AK9: variants seen among roughly 807,000 people sequenced by gnomAD.
The protein encoded by AK9 is adenylate kinase domain containing 1.
Under a neutral mutation model 239.6 loss-of-function variants are expected in AK9, and 191 were observed. That is an observed-to-expected ratio of 0.80 (90% CI 0.71 to 0.90). AK9 has a LOEUF of 0.90. AK9 is among the 40% of genes least tolerant of loss of function. The probability of loss-of-function intolerance (pLI) is 0.00; values close to 1 mark genes in which losing one functional copy is unlikely to be tolerated. For synonymous variants in AK9, 689 were observed against 721.0 expected, an observed-to-expected ratio of 0.96 and a Z score of 0.71; for missense variants, 1,995 against 2,214.7, an observed-to-expected ratio of 0.90 and a Z score of 1.99.
chr6:109,617,869 A>C (rs559654634), intron 13 of AK9, among the ~76,000 whole-genome samples: 1 of 152,134 alleles, frequency 6.6e-6, no homozygotes, highest in Non-Finnish European at 1.5e-5. Context: ...AGAAGAGCAC[A>C]TTTATTTGAA....
At chr6:109,640,222 G>A (rs544514093) in intron 10 of AK9, among the ~76,000 whole-genome samples, 3 of 152,304 alleles carry the variant, frequency 2.0e-5, no homozygotes, top group East Asian at 3.9e-4. Context: ...CTCCATGGGC[G>A]TGGGACCTGC....
chr6:109,670,538 T>C lies in AK9; in HGVS notation c.331+1381A>G, dbSNP rs567528449. ...TACTTTTGTTTGAACTATTTCCTAA[T>C]AACAACTGTAAAACATTATGAACAC... On this transcript the variant is annotated intron_variant, in intron 5 of 40. Coordinates refer to ENST00000424296, the MANE Select transcript of AK9 (RefSeq NM_001145128.3). Among the ~76,000 whole-genome samples, 4 of 152,296 alleles carry C rather than the reference T, an allele frequency of 2.6e-5. No homozygotes were observed. The South Asian group carries it at 8.3e-4, about 32-fold the overall frequency.
At chr6:109,639,466 G>T (rs1379600881) in intron 10 of AK9, among the ~76,000 whole-genome samples, 1 of 152,206 alleles carries the variant, frequency 6.6e-6, no homozygotes, top group East Asian at 1.9e-4. Context: ...AGAAGTGTCA[G>T]TTCATATCCT....
intron 1 of AK9, among the ~76,000 whole-genome samples, chr6:109,678,208 T>C (rs1157198982): frequency 2.0e-5 from 3 of 152,202 alleles, no homozygotes; most frequent in Non-Finnish European, 2.9e-5. Flanking sequence ...GGTACATCCA[T>C]ACCATGGAAT....
At chr6:109,672,074 T>C in intron 4 of AK9, 41 bp downstream of exon 4, 2 of 1,612,464 alleles carry the variant, frequency 1.2e-6, no homozygotes, top group South Asian at 2.2e-5. Flanking sequence ...TACAGAGCTT[T>C]TTTTGTAATC....
In AK9 at chr6:109,585,206, C is replaced by A; in HGVS notation, c.2031G>T (p.Gln677His). The A allele has an allele frequency of 1.0e-6, 1 of 964,824 alleles. No individual in the cohort carries two copies. The highest frequency in any genetic ancestry group is 3.8e-5 in the Admixed American group (1 of 26,304). The allele number at this position is 964,824 out of a possible 1,614,324, so 59.8% of individuals were successfully genotyped here. A position where few individuals can be genotyped will look rare whatever the true frequency, so the allele number is the denominator to read the frequency against. ...TCTTAGAGTCAATTTCAGATTTCTT[C>A]TGTAAATATATTCTATTAAATAAAC... The part of the protein sequence containing the change: ...GKCLFNRIYL[Q>H]KKSEIDSKIL... Residue 677 changes from glutamine to histidine, a missense_variant, in exon 19 of 41, where the codon CAG (glutamine) becomes CAT (histidine). Physicochemically the swap from Gln to His is conservative, Grantham distance 24. Coordinates refer to ENST00000424296, the MANE Select transcript of AK9 (RefSeq NM_001145128.3).
chr6:109,568,407 T>C (rs976204407), intron 21 of AK9, among the ~76,000 whole-genome samples: 49 of 152,108 alleles, frequency 3.2e-4, no homozygotes, highest in Admixed American at 1.3e-3. Context: ...CTATTCAACA[T>C]AGTGTTGGAA....
At chr6:109,533,520 G>A in intron 27 of AK9, 50 bp from the exon 28 acceptor site, 1 of 1,406,384 alleles carries the variant, frequency 7.1e-7, no homozygotes, top group East Asian at 2.3e-5. Flanking sequence ...TGTTGTAATG[G>A]ATGTGTTCAT....
intron 27 of AK9, among the ~76,000 whole-genome samples, chr6:109,540,305 G>A (rs765659251): frequency 6.6e-6 from 1 of 152,182 alleles, no homozygotes; most frequent in Non-Finnish European, 1.5e-5. Context: ...AGCAATGGTG[G>A]GTGCCCCTCC....
At chr6:109,580,917 T>A (rs1330224808) in intron 19 of AK9, among the ~76,000 whole-genome samples, 2 of 143,784 alleles carry the variant, frequency 1.4e-5, no homozygotes, top group East Asian at 4.3e-4. Context: ...TTTTTTTGTG[T>A]TTTTTTGTTT....
At chr6:109,645,427 AC>A (rs1472255660) in intron 8 of AK9, among the ~76,000 whole-genome samples, 6 of 152,156 alleles carry the variant, frequency 3.9e-5, no homozygotes, top group African/African-American at 1.4e-4. Context: ...GGCTCAGAGC[AC>A]CCCATGCCCA....
chr6:109,569,246 G>A (rs1016326843), intron 21 of AK9, among the ~76,000 whole-genome samples: 2 of 152,126 alleles, frequency 1.3e-5, no homozygotes, highest in Non-Finnish European at 2.9e-5. Context: ...GCTAAAACTG[G>A]ATCCCTTCCT....
At chr6:109,599,639 G>A (rs1367897609) in intron 17 of AK9, among the ~76,000 whole-genome samples, 1 of 152,074 alleles carries the variant, frequency 6.6e-6, no homozygotes, top group African/African-American at 2.4e-5. Flanking sequence ...GATGGGGATG[G>A]CATTGAATCT....
intron 20 of AK9, among the ~76,000 whole-genome samples, chr6:109,574,990 A>G (rs1326993259): frequency 6.6e-6 from 1 of 152,200 alleles, no homozygotes; most frequent in African/African-American, 2.4e-5. Context: ...TACCTCACTT[A>G]GAATAATGGT....
intron 5 of AK9, among the ~76,000 whole-genome samples, chr6:109,666,010 T>C (rs1801142237): frequency 6.6e-6 from 1 of 152,218 alleles, no homozygotes; most frequent in Non-Finnish European, 1.5e-5. Flanking sequence ...TGGAATGATG[T>C]TCATACTTGG....
intron 28 of AK9, among the ~76,000 whole-genome samples, chr6:109,532,385 C>T (rs959589054): frequency 6.6e-6 from 1 of 152,198 alleles, no homozygotes; most frequent in Admixed American, 6.5e-5. Context: ...TTTAACACTG[C>T]TCTCATGCTT....
At chr6:109,494,322 G>A (rs930616895) in intron 39 of AK9, 7 of 441,568 alleles carry the variant, frequency 1.6e-5, no homozygotes, top group African/African-American at 1.9e-5. Context: ...TGTCAGCTAA[G>A]TGATGGATAG....
intron 1 of AK9, among the ~76,000 whole-genome samples, chr6:109,684,351 G>A (rs925770449): frequency 1.3e-5 from 2 of 152,124 alleles, no homozygotes; most frequent in East Asian, 3.9e-4. Flanking sequence ...AAGACTTCAT[G>A]ACTAAAATAC....
At chr6:109,599,906 G>A (rs187233516) in intron 17 of AK9, among the ~76,000 whole-genome samples, 4 of 152,240 alleles carry the variant, frequency 2.6e-5, no homozygotes, top group East Asian at 1.9e-4. Context: ...GAATGCTTGC[G>A]ATTTTTTGCA....
Sources: allele counts gnomAD v4.1 joint callset (sites outside exome capture counted in the v4.1 genomes callset), GRCh38; gene constraint gnomAD v4.1.1; transcripts MANE v1.5; gene names NCBI Gene and HGNC (gene_info 2026-07-23, HGNC 2026-07-21).